Variants in AMMECR1 observed in about 807,000 individuals in gnomAD.
AMMECR1 encodes the protein AMMECR nuclear protein 1, also known as nuclear protein AMMECR1.
A neutral mutation model predicts 22.5 loss-of-function variants in AMMECR1; 3 were observed. The observed-to-expected ratio is 0.13, with a 90% CI of 0.06 to 0.35. AMMECR1 has a LOEUF of 0.35. Among genes scored for constraint, AMMECR1 ranks in the 10% least tolerant of loss-of-function variants. The pLI is 1.00. For missense variants in AMMECR1, 235 were observed against 278.7 expected, an observed-to-expected ratio of 0.84 and a Z score of 1.12; for synonymous variants, 130 against 116.7, an observed-to-expected ratio of 1.11 and a Z score of -0.74.
At chrX:110,312,532 T>C (rs2068028274) in intron 1 of AMMECR1, among the ~76,000 whole-genome samples, 1 of 112,209 alleles carries the variant, frequency 8.9e-6, no homozygotes, top group Non-Finnish European at 1.9e-5. Context: ...TGGGCTAAAT[T>C]ATCACTCCCT....
intron 1 of AMMECR1, among the ~76,000 whole-genome samples, chrX:110,311,263 T>C (rs2068022015): frequency 8.9e-6 from 1 of 112,055 alleles, no homozygotes; most frequent in Non-Finnish European, 1.9e-5. Flanking sequence ...TGGTTCCAGT[T>C]ATTCCCTCCC....
intron 2 of AMMECR1, among the ~76,000 whole-genome samples, chrX:110,363,829 C>T (rs957355263): frequency 9.0e-6 from 1 of 111,577 alleles, no homozygotes; most frequent in South Asian, 3.8e-4. Flanking sequence ...AAACACTTTA[C>T]ATAAATTATC....
intron 1 of AMMECR1, among the ~76,000 whole-genome samples, chrX:110,315,676 AC>A (rs2068044697): frequency 8.9e-6 from 1 of 112,216 alleles, no homozygotes; most frequent in South Asian, 3.7e-4. Context: ...TGAAAATAGC[AC>A]CTCCTGAAAG....
chrX:110,348,004 A>G (rs2068197316), intron 2 of AMMECR1, among the ~76,000 whole-genome samples: 1 of 112,378 alleles, frequency 8.9e-6, no homozygotes, highest in Non-Finnish European at 1.9e-5. Context: ...CTTATTCTGG[A>G]AGCATTAATT....
At chrX:110,199,863 T>G (rs2067388187) in intron 5 of AMMECR1, among the ~76,000 whole-genome samples, 1 of 110,927 alleles carries the variant, frequency 9.0e-6, no homozygotes, top group Non-Finnish European at 1.9e-5. Context: ...TTAAAATCCT[T>G]CAATAGCTAC....
chrX:110,260,262 A>G (rs993095333), intron 2 of AMMECR1, among the ~76,000 whole-genome samples: 3 of 111,605 alleles, frequency 2.7e-5, no homozygotes, highest in Non-Finnish European at 5.6e-5. Context: ...CTTCTCATAA[A>G]CTTTTCATTA....
In AMMECR1 at chrX:110,409,119, A is replaced by T. The variant is rs189174153; in HGVS notation, c.-148+17539T>A. 2.7e-5 allele frequency among the ~76,000 whole-genome samples: 3 copies of T among 111,704 alleles called. No homozygotes were observed. In the East Asian group the frequency reaches 8.4e-4, roughly 31 times the overall value. ...AATAATGAATAATGAATGTGGATGC[A>T]AGCACACAGCTGGAGTCAGGCATGT... On this transcript the variant is annotated intron_variant, in intron 2 of 7. Coordinates refer to the AMMECR1 transcript ENST00000372057.
At chrX:110,320,130 G>A (rs953807519), upstream of AMMECR1, among the ~76,000 whole-genome samples, 16 of 112,110 alleles carry the variant, frequency 1.4e-4, no homozygotes, top group Non-Finnish European at 3.0e-4. Context: ...TTAACCTTAA[G>A]TATGAAACAA....
intron 2 of AMMECR1, among the ~76,000 whole-genome samples, chrX:110,257,085 G>A (rs948127964): frequency 3.0e-4 from 34 of 111,600 alleles, no homozygotes; most frequent in African/African-American, 1.1e-3. Context: ...CATTTATTAT[G>A]TAAATATTCA....
intron 2 of AMMECR1, among the ~76,000 whole-genome samples, chrX:110,417,728 A>G (rs2068688189): frequency 8.9e-6 from 1 of 112,528 alleles, no homozygotes; most frequent in Non-Finnish European, 1.9e-5. Context: ...GATGATGATG[A>G]TGACAAAAAA....
At chrX:110,429,672 G>A (rs1403489614) in intron 1 of AMMECR1, among the ~76,000 whole-genome samples, 1 of 109,410 alleles carries the variant, frequency 9.1e-6, no homozygotes, top group African/African-American at 3.3e-5. Context: ...AGTAGAGATG[G>A]GGTTTCACCA....
In AMMECR1 at chrX:110,257,025, A is replaced by C. The variant is rs775055854; in HGVS notation, c.584+7464T>G. On this transcript the variant is annotated intron_variant, in intron 2 of 5. Transcript: ENST00000262844. ...AAGATACAAATCTGTCCTCCTGTTC[A>C]TTCAGGTCCTAATGACTCAAATACT... is the stretch of plus-strand genomic sequence containing the variant. Among the ~76,000 whole-genome samples the C allele has an allele frequency of 4.5e-5, 5 of 111,895 alleles. No individual in the cohort carries two copies. The South Asian group carries it at 1.8e-3, about 41-fold the overall frequency.
chrX:110,339,553 A>G (rs1208219084), intron 2 of AMMECR1, among the ~76,000 whole-genome samples: 1 of 110,407 alleles, frequency 9.1e-6, no homozygotes, highest in African/African-American at 3.3e-5. Flanking sequence ...CTGGAGTGCA[A>G]CAGCACGATC....
At chrX:110,383,954 G>A (rs1015502360) in intron 2 of AMMECR1, among the ~76,000 whole-genome samples, 3 of 111,847 alleles carry the variant, frequency 2.7e-5, no homozygotes, top group East Asian at 2.8e-4. Flanking sequence ...CTTCAGCTTC[G>A]TCATGTATAA....
chrX:110,324,426 C>A (rs1410628334), intron 2 of AMMECR1, among the ~76,000 whole-genome samples: 1 of 111,637 alleles, frequency 9.0e-6, no homozygotes, highest in Non-Finnish European at 1.9e-5. Flanking sequence ...TTACTTCTTT[C>A]TTTCCAATCT....
chrX:110,424,396 AG>A (rs1428384153), intron 2 of AMMECR1, among the ~76,000 whole-genome samples: 1 of 111,624 alleles, frequency 9.0e-6, no homozygotes, highest in Non-Finnish European at 1.9e-5. Flanking sequence ...CAGCACTCCT[AG>A]GTGCTTTGAA....
At chrX:110,386,281 C>G (rs1231596942) in intron 2 of AMMECR1, among the ~76,000 whole-genome samples, 1 of 110,030 alleles carries the variant, frequency 9.1e-6, no homozygotes, top group Non-Finnish European at 1.9e-5. Context: ...TTTTCCACAT[C>G]TTCATCAACA....
chrX:110,198,630 G>C lies in AMMECR1; in HGVS notation c.892C>G (p.Arg298Gly). 8.5e-7 allele frequency: 1 copy of C among 1,183,326 alleles called. No individual in the cohort carries two copies. Among genetic ancestry groups the C allele is most frequent in the Non-Finnish European group, 1.1e-6 (1 of 870,222 alleles). ...TAGCTCAGGGTCATCTTTTCACTAC[G>C]ATACCTGAAAGAAAGTCAGGGAAGA... is the stretch of plus-strand genomic sequence containing the variant. ...FRKTIKLTRY[R>G]SEKMTLSYAE... Residue 298 changes from arginine (R) to glycine (G), a missense_variant, in exon 6 of 6, where the codon CGT (arginine) becomes GGT (glycine). Physicochemically the swap from Arg to Gly is moderately radical, Grantham distance 125. Coordinates refer to ENST00000262844, the MANE Select transcript of AMMECR1 (RefSeq NM_015365.3).
intron 1 of AMMECR1, among the ~76,000 whole-genome samples, chrX:110,316,826 C>A (rs1304300631): frequency 9.2e-6 from 1 of 109,087 alleles, no homozygotes; most frequent in Non-Finnish European, 1.9e-5. Flanking sequence ...AAAGCGAATG[C>A]ACGCTTAATG....
Sources: gnomAD v4.1 joint callset for allele counts (sites outside exome capture counted in the v4.1 genomes callset) on GRCh38, gnomAD v4.1.1 for gene constraint, MANE v1.5 for transcripts, NCBI Gene and HGNC (gene_info 2026-07-23, HGNC 2026-07-21) for gene names.